Variants in CTNNA2 observed in about 807,000 individuals in gnomAD.
The protein encoded by CTNNA2 is catenin alpha 2.
In CTNNA2, 42 loss-of-function variants were observed where a neutral mutation model predicts 101.0. The ratio of observed to expected loss-of-function variants is 0.42; its 90% CI spans 0.32 to 0.54. The LOEUF is 0.54. Ranked by LOEUF, CTNNA2 falls within the 20% of genes least tolerant of loss-of-function variation. The pLI is 0.14. For missense variants in CTNNA2, 871 were observed against 1,223.1 expected (o/e 0.71, Z 4.29); for synonymous variants, 450 against 456.4 (o/e 0.99, Z 0.18).
intron 9 of CTNNA2, among the ~76,000 whole-genome samples, chr2:80,490,860 A>C (rs183407355): frequency 6.6e-6 from 1 of 152,242 alleles, no homozygotes; most frequent in Non-Finnish European, 1.5e-5. Context: ...CTAGAAATAT[A>C]TTTATTTGGT....
chr2:80,497,697 T>C (rs1297027685), intron 9 of CTNNA2, among the ~76,000 whole-genome samples: 1 of 152,170 alleles, frequency 6.6e-6, no homozygotes, highest in East Asian at 1.9e-4. Context: ...CCATCTTAAC[T>C]GACAGAGAGA....
At chr2:80,624,859 A>T (rs1671522497) in intron 18 of CTNNA2, among the ~76,000 whole-genome samples, 1 of 151,928 alleles carries the variant, frequency 6.6e-6, no homozygotes, top group Non-Finnish European at 1.5e-5. Context: ...ATCTATATCT[A>T]GGTATCTAGA....
At chr2:79,332,451 G>A (rs1286005494) in intron 3 of CTNNA2, among the ~76,000 whole-genome samples, 1 of 152,158 alleles carries the variant, frequency 6.6e-6, no homozygotes, top group African/African-American at 2.4e-5. Flanking sequence ...AGAATGGCAT[G>A]AAAGGTGGAG....
At chr2:80,149,984 C>A (rs1207029968) in intron 7 of CTNNA2, among the ~76,000 whole-genome samples, 1 of 152,162 alleles carries the variant, frequency 6.6e-6, no homozygotes, top group African/African-American at 2.4e-5. Context: ...ATCTCCTGCA[C>A]CTCCACCTGC....
chr2:80,220,008 C>G (rs1708488389), intron 7 of CTNNA2, among the ~76,000 whole-genome samples: 1 of 152,028 alleles, frequency 6.6e-6, no homozygotes, highest in Admixed American at 6.6e-5. Flanking sequence ...AAACCACAAC[C>G]AACAAACCAA....
rs138896377 is a variant in CTNNA2 at position 80,325,538 on chromosome 2, A to G, written c.1057-67673A>G. ...GTTTTGTATTTTTCCTGATCAGAGA[A>G]CTTTGTTATGTCACTCACCATAACA... On this transcript the variant is annotated intron_variant, in intron 7 of 18. Transcript: ENST00000402739. Among the ~76,000 whole-genome samples, 8 of 152,246 alleles carry G rather than the reference A, an allele frequency of 5.3e-5. No homozygotes were observed. The East Asian group carries it at 1.5e-3, about 29-fold the overall frequency.
At chr2:80,028,249 G>A (rs1332358789) in intron 7 of CTNNA2, 1 of 152,080 alleles carries the variant, frequency 6.6e-6, no homozygotes, top group Non-Finnish European at 1.5e-5. Context: ...TCTTCCATAT[G>A]ACTTGTTGCC....
chr2:80,414,907 A>T (rs1326167436), intron 8 of CTNNA2, among the ~76,000 whole-genome samples: 18 of 152,206 alleles, frequency 1.2e-4, no homozygotes, highest in Admixed American at 1.2e-3. Flanking sequence ...ATTCTGGTTA[A>T]AAGCAGGTCT....
intron 3 of CTNNA2, among the ~76,000 whole-genome samples, chr2:79,354,563 CT>C (rs1323283466): frequency 1.3e-5 from 2 of 152,038 alleles, no homozygotes; most frequent in African/African-American, 4.8e-5. Context: ...GCTATTTTGT[CT>C]TTCAACTCTT....
intron 2 of CTNNA2, among the ~76,000 whole-genome samples, chr2:79,205,142 G>T (rs1293526022): frequency 6.6e-6 from 1 of 152,138 alleles, no homozygotes; most frequent in Non-Finnish European, 1.5e-5. Context: ...CTTCTTTGTG[G>T]CTCTTTCTCA....
chr2:79,945,758 A>C (rs564495964), intron 7 of CTNNA2, among the ~76,000 whole-genome samples: 1 of 152,216 alleles, frequency 6.6e-6, no homozygotes, highest in Non-Finnish European at 1.5e-5. Flanking sequence ...AGAGAAATTA[A>C]TTTATCCAGC....
At chr2:79,921,267 A>T (rs1686633001) in intron 7 of CTNNA2, among the ~76,000 whole-genome samples, 1 of 152,186 alleles carries the variant, frequency 6.6e-6, no homozygotes, top group Non-Finnish European at 1.5e-5. Context: ...TCAAATCAAG[A>T]GTTGATTTAA....
At chr2:80,578,525 AAG>A (rs200675857) in intron 13 of CTNNA2, among the ~76,000 whole-genome samples, 1,942 of 152,318 alleles carry the variant, frequency 0.013, 17 homozygotes, top group Non-Finnish European at 0.022. Context: ...TAATTCAAAA[AAG>A]AATGCCACGA....
chr2:80,408,836 T>C (rs903888321), intron 8 of CTNNA2, among the ~76,000 whole-genome samples: 6 of 152,164 alleles, frequency 3.9e-5, no homozygotes, highest in Admixed American at 2.6e-4. Flanking sequence ...AAAATGGCAC[T>C]ACTATTGGAA....
intron 4 of CTNNA2, among the ~76,000 whole-genome samples, chr2:79,497,314 C>T (rs566363505): frequency 6.6e-6 from 1 of 152,132 alleles, no homozygotes; most frequent in African/African-American, 2.4e-5. Context: ...ACATTTCTGC[C>T]TTATTGATTC....
intron 7 of CTNNA2, among the ~76,000 whole-genome samples, chr2:80,108,382 C>T (rs1378613669): frequency 6.6e-6 from 1 of 152,274 alleles, no homozygotes; most frequent in Non-Finnish European, 1.5e-5. Flanking sequence ...CACTATGCTG[C>T]CCCCTACCCT....
chr2:80,381,744 C>T (rs1469704418), intron 7 of CTNNA2, among the ~76,000 whole-genome samples: 7 of 152,238 alleles, frequency 4.6e-5, no homozygotes, highest in Admixed American at 2.6e-4. Context: ...TCCTTTGCTG[C>T]GGGGCTGGCA....
At chr2:79,622,946 A>C (rs1384389567) in intron 1 of CTNNA2, among the ~76,000 whole-genome samples, 1 of 152,214 alleles carries the variant, frequency 6.6e-6, no homozygotes, top group Non-Finnish European at 1.5e-5. Context: ...TTAGAATAGC[A>C]TCTGTTTTTA....
chr2:79,594,022 G>A (rs1222730864), intron 1 of CTNNA2, among the ~76,000 whole-genome samples: 2 of 150,650 alleles, frequency 1.3e-5, no homozygotes, highest in Non-Finnish European at 2.9e-5. Context: ...CCAACTAGCT[G>A]GGATTATAGG....
Sources: gnomAD v4.1 joint callset for allele counts (sites outside exome capture counted in the v4.1 genomes callset) on GRCh38, gnomAD v4.1.1 for gene constraint, MANE v1.5 for transcripts, NCBI Gene and HGNC (gene_info 2026-07-23, HGNC 2026-07-21) for gene names.